Variants in HYAL1 observed in about 807,000 individuals in gnomAD.
The protein encoded by HYAL1 is hyaluronidase-1.
In HYAL1, 21 loss-of-function variants were observed where a neutral mutation model predicts 28.8. The ratio of observed to expected loss-of-function variants is 0.73; its 90% CI spans 0.52 to 1.05. HYAL1 has a LOEUF of 1.05. HYAL1 is among the 50% of genes least tolerant of loss of function. HYAL1 has a pLI of 0.00. For missense variants in HYAL1, 491 were observed against 579.2 expected, an observed-to-expected ratio of 0.85 and a Z score of 1.56; for synonymous variants, 200 against 230.1, an observed-to-expected ratio of 0.87 and a Z score of 1.18.
intron 1 of HYAL1, among the ~76,000 whole-genome samples, chr3:50,311,772 C>T (rs1305540892): frequency 7.0e-6 from 1 of 142,786 alleles, no homozygotes; most frequent in Non-Finnish European, 1.5e-5. Context: ...AGAGGGGCTC[C>T]TCACTTCCCA....
At chr3:50,307,054 A>C (rs1435405165), upstream of HYAL1, among the ~76,000 whole-genome samples, 1 of 143,782 alleles carries the variant, frequency 7.0e-6, no homozygotes, top group East Asian at 2.0e-4. Flanking sequence ...TGGGTGACAG[A>C]GCAAGACTCT....
At position 50,303,151 on chromosome 3, in the gene HYAL1, G is replaced by A. The variant is rs72932964; in HGVS notation, c.-24-171C>T. On this transcript the variant is annotated intron_variant, in intron 1 of 3. Coordinates refer to ENST00000395144, the MANE Select transcript of HYAL1 (RefSeq NM_033159.4). ...GGGGAGACGCATGGAGGGGAGCATG[G>A]CCACTGGAGGGCACATCCGAGTTGC... The A allele has an allele frequency of 0.013, 7,075 of 564,594 alleles. 418 individuals carry two copies. Among genetic ancestry groups the A allele is most frequent in the African/African-American group, 0.12 (6,417 of 53,526 alleles). 35.0% of individuals were successfully genotyped at this position (564,594 alleles called of 1,614,324 possible).
chr3:50,302,012 C>A lies in HYAL1; in HGVS notation c.900+45G>T, dbSNP rs929130961. On this transcript the variant is annotated intron_variant, in intron 2 of 3. Coordinates refer to ENST00000395144, the MANE Select transcript of HYAL1 (RefSeq NM_033159.4). This position sits in a 1 kb window ranked among gnomAD's most constrained non-coding sequence, Gnocchi z 5.0. ...AGTACCCCAAGGCTGGACCTAATAT[C>A]TGACAAGGCAGGTTGACAAGGTGGG... The A allele has an allele frequency of 1.3e-6, 2 of 1,589,178 alleles. No homozygotes were observed. Among genetic ancestry groups the A allele is most frequent in the Non-Finnish European group, 1.7e-6 (2 of 1,157,610 alleles).
upstream of HYAL1, among the ~76,000 whole-genome samples, chr3:50,307,406 C>A (rs113178391): frequency 8.0e-4 from 119 of 149,554 alleles, 9 homozygotes; most frequent in African/African-American, 2.8e-3. Context: ...TAGGGCCGGA[C>A]GCAGTGGCTC....
At chr3:50,304,296 A>AAATATATATAT (rs1553713686), upstream of HYAL1, among the ~76,000 whole-genome samples, 1 of 30,480 alleles carries the variant, frequency 3.3e-5, no homozygotes, top group Non-Finnish European at 6.1e-5. Context: ...AAAAAAAAAA[A>AAATATATATAT]ATATATATAT....
Position 50,303,077 on chromosome 3 carries a change from G to A in HYAL1, c.-24-97C>T, listed in dbSNP as rs1434878136. 13 of 942,520 alleles carry A rather than the reference G, an allele frequency of 1.4e-5. No homozygotes were observed. The East Asian group carries it at 2.4e-4, about 17-fold the overall frequency. 58.4% of individuals were successfully genotyped at this position (942,520 alleles called of 1,614,324 possible). On this transcript the variant is annotated intron_variant, in intron 1 of 3. Coordinates refer to ENST00000395144, the MANE Select transcript of HYAL1 (RefSeq NM_033159.4). ...CTGAGCCCTTGCGCATTAATCCACC[G>A]CTGCTCTGGTTTCTGTTAAACATTG...
upstream of HYAL1, among the ~76,000 whole-genome samples, chr3:50,304,299 ATATATATATATATATATATAT>A (rs1702290990): frequency 1.4e-4 from 4 of 27,832 alleles, no homozygotes; most frequent in East Asian, 7.8e-3. Flanking sequence ...AAAAAAAAAT[ATATATATATATATATATATAT>A]ATATATATAT....
In HYAL1 at chr3:50,300,257, T is replaced by C. The variant is rs1702064032; in HGVS notation, c.*226A>G. ...ATTGTCTATGACCTTGCCAAGTAGA[T>C]GCATATGGACATGGAATGAATGGTG... On this transcript the variant is annotated 3_prime_UTR_variant, in exon 4 of 4. Transcript: ENST00000395144. The C allele has an allele frequency of 1.7e-6, 1 of 593,758 alleles. No homozygotes were observed. Among genetic ancestry groups the C allele is most frequent in the East Asian group, 2.9e-5 (1 of 34,426 alleles). 36.8% of individuals were successfully genotyped at this position (593,758 alleles called of 1,614,324 possible).
intron 1 of HYAL1, among the ~76,000 whole-genome samples, chr3:50,311,904 C>T (rs1485575770): frequency 1.1e-4 from 16 of 147,720 alleles, no homozygotes; most frequent in African/African-American, 1.3e-4. Flanking sequence ...GCTGATCCCC[C>T]CTCCCCTCAC....
Position 50,302,143 on chromosome 3 carries a change from C to A in HYAL1, c.814G>T (p.Val272Leu). 6.2e-7 allele frequency: 1 copy of A among 1,614,202 alleles called. No individual in the cohort carries two copies. Among genetic ancestry groups the A allele is most frequent in the Non-Finnish European group, 8.5e-7 (1 of 1,180,030 alleles). ...VQHRVAEAFR[V>L]AVAAGDPNLP... ...TTGGGGTCACCAGCAGCCACAGCCACACGGAATGCCTCGGCCACACGGTGT... is the reference window on the plus strand; with the variant it reads ...TTGGGGTCACCAGCAGCCACAGCCAAACGGAATGCCTCGGCCACACGGTGT... Residue 272 changes from valine to leucine, a missense_variant, in exon 2 of 4, where the codon GTG becomes TTG. By Grantham distance (32) the Val-to-Leu change is conservative. Coordinates refer to ENST00000395144, the MANE Select transcript of HYAL1 (RefSeq NM_033159.4). This position sits in a 1 kb window ranked among gnomAD's most constrained non-coding sequence, Gnocchi z 5.0.
At chr3:50,311,713 G>A (rs1343386425) in intron 1 of HYAL1, among the ~76,000 whole-genome samples, 11 of 147,140 alleles carry the variant, frequency 7.5e-5, no homozygotes, top group African/African-American at 1.3e-4. Flanking sequence ...CAGGCCGGGC[G>A]TGGGGCTGAT....
upstream of HYAL1, among the ~76,000 whole-genome samples, chr3:50,304,296 AATATATATATAT>A (rs1175956843): frequency 0.032 from 971 of 30,168 alleles, 49 homozygotes; most frequent in South Asian, 0.066. Context: ...AAAAAAAAAA[AATATATATATAT>A]ATATATATAT....
In HYAL1 at chr3:50,300,499, C is replaced by T. The variant is rs368957453; in HGVS notation, c.1292G>A (p.Arg431Gln). Residue 431 changes from arginine (R) to glutamine (Q), a missense_variant, in exon 4 of 4, where the codon CGG becomes CAG. Transcript: ENST00000395144. ...YPGWQAPWCE[R>Q]KSMW ...TGTGGCCAATCACCACATGCTCTTCCGCTCACACCACGGTGCCTGCCAGCC... is the reference window on the plus strand; with the variant it reads ...TGTGGCCAATCACCACATGCTCTTCTGCTCACACCACGGTGCCTGCCAGCC... 7.1e-5 allele frequency: 114 copies of T among 1,614,064 alleles called. 1 individual carries two copies. Among genetic ancestry groups the T allele is most frequent in the Non-Finnish European group, 8.8e-5 (104 of 1,180,038 alleles).
chr3:50,310,067 C>T (rs4688734), intron 1 of HYAL1, among the ~76,000 whole-genome samples: 11,168 of 151,332 alleles, frequency 0.074, 1,878 homozygotes, highest in East Asian at 0.6. Flanking sequence ...AGAATAAAAT[C>T]ATGTTTCAAA....
Position 50,302,873 on chromosome 3 carries a change from G to C in HYAL1, c.84C>G (p.Pro28=). Residue 28 remains proline (P), a synonymous_variant, in exon 2 of 4, where the codon CCC becomes CCG. Coordinates refer to ENST00000395144, the MANE Select transcript of HYAL1 (RefSeq NM_033159.4). The surrounding 1 kb of genome is among the most constrained non-coding windows in gnomAD (Gnocchi z 5.0). The stretch of plus-strand genomic sequence containing the variant: ...TCCAGACGGTGGTGAAGGGCCGGTT[G>C]GGTAGCAAGGGGCCCCTAAAGCCTT... The part of the protein sequence containing the change: ...MAQGFRGPLL[P]NRPFTTVWNA... 6.2e-7 allele frequency: 1 copy of C among 1,613,048 alleles called. No homozygotes were observed. The highest frequency in any genetic ancestry group is 1.7e-4 in the Middle Eastern group (1 of 6,060).
chr3:50,302,429 C>T lies in HYAL1; in HGVS notation c.528G>A (p.Gln176=), dbSNP rs1553713211. The T allele has an allele frequency of 1.9e-6, 3 of 1,613,824 alleles. No homozygotes were observed. In the South Asian group the frequency reaches 3.3e-5, roughly 18 times the overall value. ...QVEAVAQDQF[Q]GAARAWMAGT... is the part of the protein sequence containing the mutation. ...CTGCCATCCAGGCCCGTGCAGCTCCCTGGAACTGGTCCTGGGCTACTGCCT... is the reference window on the plus strand; with the variant it reads ...CTGCCATCCAGGCCCGTGCAGCTCCTTGGAACTGGTCCTGGGCTACTGCCT... Residue 176 remains glutamine, a synonymous_variant, in exon 2 of 4, where the codon CAG becomes CAA. Transcript: ENST00000395144. This position sits in a 1 kb window ranked among gnomAD's most constrained non-coding sequence, Gnocchi z 5.0.
chr3:50,304,186 GA>G (rs1260412210), upstream of HYAL1: 1 of 146,758 alleles, frequency 6.8e-6, no homozygotes, highest in East Asian at 2.0e-4. Context: ...ACAATCCCTT[GA>G]ACCCGGGAGG....
chr3:50,300,289 G>T lies in HYAL1; in HGVS notation c.*194C>A. The T allele has an allele frequency of 1.6e-6, 1 of 644,124 alleles. No homozygotes were observed. Among genetic ancestry groups the T allele is most frequent in the Non-Finnish European group, 2.8e-6 (1 of 354,862 alleles). 39.9% of individuals were successfully genotyped at this position (644,124 alleles called of 1,614,324 possible). ...GGACATGGAATGAATGGTGTCTGCT[G>T]TGGTTCTAACTCCTTATGCCACTAT... On this transcript the variant is annotated 3_prime_UTR_variant, in exon 4 of 4. Transcript: ENST00000395144.
At position 50,301,057 on chromosome 3, in the gene HYAL1, C is replaced by G. The variant is rs782200873; in HGVS notation, c.921G>C (p.Leu307=). The G allele has an allele frequency of 6.2e-7, 1 of 1,613,140 alleles. No individual in the cohort carries two copies. The highest frequency in any genetic ancestry group is 1.3e-5 in the African/African-American group (1 of 74,800). The change falls in exon 3 of 4, where the codon CTG becomes CTC. Residue 307 remains leucine (L), a synonymous_variant. Transcript: ENST00000395144. ...CTGCCCCCTGGGCCGCACTCTCCCC[C>G]AGGCTGTGCTCCAGCTCATCCTGGG... is the stretch of plus-strand genomic sequence containing the variant. ...FLPLDELEHS[L]GESAAQGAAG...
Sources: gnomAD v4.1 joint callset for allele counts (sites outside exome capture counted in the v4.1 genomes callset) on GRCh38, gnomAD v4.1.1 for gene constraint, Gnocchi (gnomAD v3.1) non-coding constraint, MANE v1.5 for transcripts, NCBI Gene and HGNC (gene_info 2026-07-23, HGNC 2026-07-21) for gene names.